Variants in BIRC3 observed in about 807,000 individuals in gnomAD.
The protein encoded by BIRC3 is baculoviral IAP repeat containing 3.
In BIRC3, 26 loss-of-function variants were observed where a neutral mutation model predicts 59.0. That is an observed-to-expected ratio of 0.44 (90% CI 0.32 to 0.61). The LOEUF (loss-of-function observed/expected upper bound fraction) is 0.61. Ranked by LOEUF, BIRC3 falls within the 20% of genes least tolerant of loss-of-function variation. BIRC3 has a pLI of 0.04. For missense variants in BIRC3, 641 were observed against 711.5 expected (o/e 0.90, Z 1.13); for synonymous variants, 243 against 249.2 (o/e 0.98, Z 0.24).
rs1951041719 is a variant in BIRC3 at position 102,322,576 on chromosome 11, A to T, written c.-1934A>T. Reference sequence around the variant, plus strand: ...TATAAAGACAGTGATGAATACAAAGAAGATTTTTATAACAATGTGTAAAAT... The same window carrying T: ...TATAAAGACAGTGATGAATACAAAGTAGATTTTTATAACAATGTGTAAAAT... On this transcript the variant is annotated 5_prime_UTR_variant, in exon 2 of 9. An upstream open reading frame in the 5' UTR gains an earlier in-frame stop. Coordinates refer to ENST00000263464, the MANE Select transcript of BIRC3 (RefSeq NM_001165.5). The T allele has an allele frequency of 4.9e-6, 1 of 206,162 alleles. No individual in the cohort carries two copies. Among genetic ancestry groups the T allele is most frequent in the African/African-American group, 2.3e-5 (1 of 43,816 alleles). The allele number at this position is 206,162 out of a possible 1,614,324, so 12.8% of individuals were successfully genotyped here.
At chr11:102,318,076 A>T (rs1950990296) in intron 1 of BIRC3, among the ~76,000 whole-genome samples, 1 of 152,230 alleles carries the variant, frequency 6.6e-6, no homozygotes, top group African/African-American at 2.4e-5. Context: ...TGTCGAAGGC[A>T]TGTACCTGAT....
chr11:102,331,155 T>C lies in BIRC3; in HGVS notation c.1238T>C (p.Val413Ala). 2 of 1,613,750 alleles carry C rather than the reference T, an allele frequency of 1.2e-6. No homozygotes were observed. Among genetic ancestry groups the C allele is most frequent in the South Asian group, 2.2e-5 (2 of 91,072 alleles). The change falls in exon 6 of 9, where the codon GTC becomes GCC. Residue 413 changes from valine (V) to alanine (A), a missense_variant. Val to Ala is a moderately conservative substitution (Grantham distance 64). This residue lies in a region of BIRC3 where 268 missense variants were observed against 255.7 expected (regional missense o/e 1.05). Transcript: ENST00000263464. ...GCAACTGGAGAGAATTATAGACTAG[T>C]CAATGATCTTGTGTTAGACTTACTC... ...ILATGENYRLVNDLVLDLLNA... is the reference protein window; with the variant it reads ...ILATGENYRLANDLVLDLLNA...
intron 6 of BIRC3, among the ~76,000 whole-genome samples, chr11:102,331,521 C>T (rs1023104231): frequency 2.6e-5 from 4 of 151,996 alleles, no homozygotes; most frequent in African/African-American, 7.2e-5. Flanking sequence ...TCCAATTATG[C>T]ATTCATGGCA....
At chr11:102,327,910 T>G in intron 3 of BIRC3, 142 bp from the exon 4 acceptor site, 1 of 602,250 alleles carries the variant, frequency 1.7e-6, no homozygotes, top group Non-Finnish European at 2.8e-6. Flanking sequence ...TTAGAATAAA[T>G]GATCTTAAAT....
At chr11:102,318,456 C>T (rs939343892) in intron 1 of BIRC3, among the ~76,000 whole-genome samples, 2 of 152,170 alleles carry the variant, frequency 1.3e-5, no homozygotes, top group African/African-American at 4.8e-5. Flanking sequence ...ACTTCTTCAA[C>T]GGGAAGTCTT....
At chr11:102,317,945 A>C (rs1591517039) in intron 1 of BIRC3, among the ~76,000 whole-genome samples, 2 of 152,290 alleles carry the variant, frequency 1.3e-5, no homozygotes, top group African/African-American at 4.8e-5. Flanking sequence ...GAAGGAAGTA[A>C]AACGTTTAAT....
At chr11:102,318,230 G>A (rs911149477) in intron 1 of BIRC3, among the ~76,000 whole-genome samples, 3 of 152,306 alleles carry the variant, frequency 2.0e-5, no homozygotes, top group Non-Finnish European at 2.9e-5. Flanking sequence ...ATCTTAAGAA[G>A]CAGGTACCAT....
In BIRC3 at chr11:102,336,955, A is replaced by C. The variant is rs1257720352; in HGVS notation, c.1668A>C (p.Thr556=). The C allele has an allele frequency of 6.2e-7, 1 of 1,604,414 alleles. No individual in the cohort carries two copies. The highest frequency in any genetic ancestry group is 1.3e-5 in the African/African-American group (1 of 74,432). The change falls in exon 9 of 9, where the codon ACA becomes ACC. Residue 556 remains threonine (T), a synonymous_variant. Transcript: ENST00000263464. ...TGCGGAGACTACAAGAAGAAAGAAC[A>C]TGTAAAGTGTGTATGGACAAAGAAG... ...EQLRRLQEER[T]CKVCMDKEVS... is the part of the protein sequence containing the mutation.
chr11:102,330,030 GA>G (rs543576782), intron 5 of BIRC3, among the ~76,000 whole-genome samples: 1 of 152,294 alleles, frequency 6.6e-6, no homozygotes, highest in South Asian at 2.1e-4. Flanking sequence ...ACAGACAGGA[GA>G]AAGGGATATG....
intron 1 of BIRC3, among the ~76,000 whole-genome samples, chr11:102,319,119 C>G (rs1951004428): frequency 6.7e-6 from 1 of 149,300 alleles, no homozygotes; most frequent in Admixed American, 6.8e-5. Context: ...TCTCGGCTTA[C>G]TGCAACCTCC....
At position 102,338,485 on chromosome 11, in the gene BIRC3, CTG is replaced by C. The variant is rs1419634132; in HGVS notation, c.*1386_*1387del. ...TGAAGATCCAAAATTACAGGGGAAA[CTG>C]TGCATTTTTATGCTTAGGTTTGATA... On this transcript the variant is annotated 3_prime_UTR_variant, in exon 9 of 9. Transcript: ENST00000263464. The C allele has an allele frequency of 1.3e-5, 3 of 229,324 alleles. No homozygotes were observed. Among genetic ancestry groups the C allele is most frequent in the African/African-American group, 2.2e-5 (1 of 45,124 alleles). 14.2% of individuals were successfully genotyped at this position (229,324 alleles called of 1,614,324 possible).
rs1429966339 is a variant in BIRC3, at chr11:102,324,114, T to C, written c.-396T>C. On this transcript the variant is annotated 5_prime_UTR_variant, in exon 2 of 9. Coordinates refer to ENST00000263464, the MANE Select transcript of BIRC3 (RefSeq NM_001165.5). The stretch of plus-strand genomic sequence containing the variant: ...GCTTCATGAGTCACACATTACATCT[T>C]TGGGTTGATTGAATGCCACTGAAAC... 1 of 222,436 alleles carries C rather than the reference T, an allele frequency of 4.5e-6. No homozygotes were observed. The highest frequency in any genetic ancestry group is 2.2e-5 in the African/African-American group (1 of 44,646). The allele number at this position is 222,436 out of a possible 1,614,324, so 13.8% of individuals were successfully genotyped here.
intron 6 of BIRC3, among the ~76,000 whole-genome samples, chr11:102,334,804 C>A (rs541811809): frequency 1.2e-4 from 18 of 152,040 alleles, no homozygotes; most frequent in African/African-American, 4.3e-4. Context: ...TCTTGTAGGA[C>A]GAGAAGGTAG....
chr11:102,321,816 T>A, intron 1 of BIRC3, 21 bp from the exon 2 acceptor site: 1 of 175,382 alleles, frequency 5.7e-6, no homozygotes. Context: ...TAAAACTGTC[T>A]TTTTGTTTGT....
intron 1 of BIRC3, among the ~76,000 whole-genome samples, chr11:102,318,719 G>A (rs1378077567): frequency 6.6e-6 from 1 of 152,154 alleles, no homozygotes; most frequent in Non-Finnish European, 1.5e-5. Flanking sequence ...AAGAGGAGAG[G>A]CTGGGGACTG....
chr11:102,324,366 C>T lies in BIRC3; in HGVS notation c.-144C>T, dbSNP rs902341681. The T allele has an allele frequency of 1.5e-5, 13 of 883,516 alleles. No individual in the cohort carries two copies. The African/African-American group carries it at 2.0e-4, about 14-fold the overall frequency. 54.7% of individuals were successfully genotyped at this position (883,516 alleles called of 1,614,324 possible). A position where few individuals can be genotyped will look rare whatever the true frequency, so the allele number is the denominator to read the frequency against. ...AGGATTTAGAATCTCCATGTTGAAA[C>T]TCTAAATGCATAGAAATAAAAATAA... On this transcript the variant is annotated 5_prime_UTR_variant, in exon 2 of 9. Transcript: ENST00000263464.
At position 102,322,929 on chromosome 11, in the gene BIRC3, T is replaced by C. The variant is rs1037074992; in HGVS notation, c.-1581T>C. ...AGGTCTCTGCTGTTGAAATGGTAAA[T>C]TTATTATTTTTTTTGTCATGATAAA... On this transcript the variant is annotated 5_prime_UTR_variant, in exon 2 of 9. Transcript: ENST00000263464. The C allele has an allele frequency of 9.7e-6, 2 of 205,258 alleles. No homozygotes were observed. The highest frequency in any genetic ancestry group is 2.0e-5 in the Non-Finnish European group (2 of 100,346). 12.7% of individuals were successfully genotyped at this position (205,258 alleles called of 1,614,324 possible). A position where few individuals can be genotyped will look rare whatever the true frequency, so the allele number is the denominator to read the frequency against.
At chr11:102,325,667 T>C in intron 3 of BIRC3, 102 bp downstream of exon 3, 2 of 1,134,718 alleles carry the variant, frequency 1.8e-6, no homozygotes, top group Non-Finnish European at 2.5e-6. Context: ...GTTCCAAATA[T>C]ATATTTGTGA....
At chr11:102,334,763 A>C (rs1951179810) in intron 6 of BIRC3, among the ~76,000 whole-genome samples, 1 of 152,212 alleles carries the variant, frequency 6.6e-6, no homozygotes, top group East Asian at 1.9e-4. Context: ...ATGGATACAA[A>C]ATCTAGGTCT....
Sources: allele counts gnomAD v4.1 joint callset (sites outside exome capture counted in the v4.1 genomes callset), GRCh38; gene constraint gnomAD v4.1.1; regional missense constraint gnomAD v4.1.1; transcripts MANE v1.5; gene names NCBI Gene and HGNC (gene_info 2026-07-23, HGNC 2026-07-21).